RANBP2: variants seen among roughly 807,000 people sequenced by gnomAD.
RANBP2 encodes the protein RAN binding protein 2, also known as E3 SUMO-protein ligase RanBP2.
A neutral mutation model predicts 303.6 loss-of-function variants in RANBP2; 57 were observed. The observed-to-expected ratio is 0.19, with a 90% CI of 0.15 to 0.23. The LOEUF (loss-of-function observed/expected upper bound fraction) is 0.23, where lower values mean the gene tolerates loss of function less well. RANBP2 is among the 10% of genes least tolerant of loss of function. RANBP2 has a pLI of 1.00. For synonymous variants in RANBP2, 1,167 were observed against 1,301.5 expected, an observed-to-expected ratio of 0.90 and a Z score of 2.23; for missense variants, 3,138 against 3,780.8, an observed-to-expected ratio of 0.83 and a Z score of 4.46.
chr2:109,706,141 G>C, the RANBP2 span, among the ~76,000 whole-genome samples: 2 of 152,198 alleles, frequency 1.3e-5, no homozygotes, highest in Non-Finnish European at 2.9e-5. Flanking sequence ...CTAGGCTGGG[G>C]CTTCCTGTCT....
chr2:109,698,520 T>C, the RANBP2 span, among the ~76,000 whole-genome samples: 3 of 152,062 alleles, frequency 2.0e-5, no homozygotes, highest in East Asian at 5.8e-4. Context: ...ATTTTTCTAC[T>C]TATAATGTTT....
the RANBP2 span, among the ~76,000 whole-genome samples, chr2:108,999,655 G>A: frequency 0.067 from 10,264 of 152,248 alleles, 855 homozygotes; most frequent in African/African-American, 0.2. Flanking sequence ...GCTGTGTTAT[G>A]TACACTTTTC....
chr2:108,965,844 T>A, the RANBP2 span, among the ~76,000 whole-genome samples: 1 of 152,054 alleles, frequency 6.6e-6, no homozygotes, highest in Non-Finnish European at 1.5e-5. Flanking sequence ...TCCTGCATCA[T>A]GTACTCTCCC....
the RANBP2 span, among the ~76,000 whole-genome samples, chr2:109,645,493 C>T: frequency 6.6e-6 from 1 of 152,204 alleles, no homozygotes; most frequent in Non-Finnish European, 1.5e-5. Context: ...AATGCGGGTC[C>T]TCCTCAGTTT....
the RANBP2 span, among the ~76,000 whole-genome samples, chr2:109,132,255 A>G: frequency 6.6e-6 from 1 of 152,126 alleles, no homozygotes; most frequent in Non-Finnish European, 1.5e-5. Flanking sequence ...GGGTATGTAT[A>G]CTTTTTAGGT....
the RANBP2 span, among the ~76,000 whole-genome samples, chr2:109,419,246 C>T: frequency 6.6e-6 from 1 of 152,146 alleles, no homozygotes; most frequent in East Asian, 1.9e-4. Flanking sequence ...AAGAATAAAG[C>T]CAGGTCTGGA....
the RANBP2 span, among the ~76,000 whole-genome samples, chr2:109,067,824 C>T: frequency 6.6e-6 from 1 of 152,186 alleles, no homozygotes; most frequent in African/African-American, 2.4e-5. Context: ...TGGGCTCCAG[C>T]TTCAAAATGC....
intron 12 of RANBP2, among the ~76,000 whole-genome samples, chr2:108,752,397 G>A (rs918939713): frequency 6.6e-6 from 1 of 151,898 alleles, no homozygotes; most frequent in Non-Finnish European, 1.5e-5. Context: ...GAAGAGGCAG[G>A]TTTCAGCTAT....
At chr2:109,289,039 GT>G in the RANBP2 span, among the ~76,000 whole-genome samples, 3 of 152,170 alleles carry the variant, frequency 2.0e-5, no homozygotes, top group Non-Finnish European at 4.4e-5. Context: ...ACTAACATTC[GT>G]TTGTCAACTG....
the RANBP2 span, among the ~76,000 whole-genome samples, chr2:109,494,440 C>G: frequency 6.6e-6 from 1 of 152,188 alleles, no homozygotes; most frequent in Non-Finnish European, 1.5e-5. Context: ...TCCTGGGGAG[C>G]CCTAGCAGGT....
the RANBP2 span, among the ~76,000 whole-genome samples, chr2:108,912,044 G>A: frequency 6.6e-5 from 10 of 152,336 alleles, no homozygotes; most frequent in South Asian, 4.1e-4. Flanking sequence ...TTTGCTCTGC[G>A]TTAGCGCGTG....
the RANBP2 span, among the ~76,000 whole-genome samples, chr2:108,826,835 G>T: frequency 1.3e-5 from 2 of 152,202 alleles, no homozygotes; most frequent in African/African-American, 4.8e-5. Context: ...AATTTGAGAA[G>T]TCTTGGCATC....
At chr2:109,394,227 G>A in the RANBP2 span, among the ~76,000 whole-genome samples, 1 of 152,228 alleles carries the variant, frequency 6.6e-6, no homozygotes, top group East Asian at 1.9e-4. Context: ...ACCTAAGAAA[G>A]CTGGGGAGAC....
the RANBP2 span, among the ~76,000 whole-genome samples, chr2:108,977,299 C>T: frequency 1.6e-4 from 24 of 152,214 alleles, no homozygotes; most frequent in African/African-American, 5.3e-4. Context: ...GATGGAGTCT[C>T]GCTCTGTCGC....
the RANBP2 span, chr2:109,490,761 A>C: frequency 2.6e-6 from 4 of 1,536,486 alleles, no homozygotes; most frequent in East Asian, 4.9e-5. Flanking sequence ...CTCACTGTCC[A>C]TCCACGGCAG....
Position 108,736,299 on chromosome 2 carries a change from T to C in RANBP2, c.782+50T>C. 3.1e-6 allele frequency: 5 copies of C among 1,611,904 alleles called. No individual in the cohort carries two copies. In the South Asian group the frequency reaches 3.3e-5, roughly 11 times the overall value. On this transcript the variant is annotated intron_variant, in intron 6 of 28. Coordinates refer to ENST00000283195, the MANE Select transcript of RANBP2 (RefSeq NM_006267.5). Reference sequence around the variant, plus strand: ...TTTAGTATAAATTGCAGTTTTTCTTTTTGCAGTAAGTTCATTGCTCTAAAC... The same window carrying C: ...TTTAGTATAAATTGCAGTTTTTCTTCTTGCAGTAAGTTCATTGCTCTAAAC...
chr2:109,211,070 A>G, the RANBP2 span, among the ~76,000 whole-genome samples: 2 of 152,104 alleles, frequency 1.3e-5, no homozygotes, highest in African/African-American at 4.8e-5. Flanking sequence ...TCTGGTAGGG[A>G]GCACACCTTT....
chr2:109,596,941 T>C, the RANBP2 span, among the ~76,000 whole-genome samples: 2 of 152,206 alleles, frequency 1.3e-5, no homozygotes, highest in Non-Finnish European at 2.9e-5. Context: ...TTTTTTAAAA[T>C]TTATTAATTT....
the RANBP2 span, among the ~76,000 whole-genome samples, chr2:108,890,910 A>C: frequency 6.6e-6 from 1 of 152,034 alleles, no homozygotes; most frequent in African/African-American, 2.4e-5. Context: ...GCTATCTTCA[A>C]GTTCTGAGAT....
Sources: gnomAD v4.1 joint callset for allele counts (sites outside exome capture counted in the v4.1 genomes callset) on GRCh38, gnomAD v4.1.1 for gene constraint, MANE v1.5 for transcripts, NCBI Gene and HGNC (gene_info 2026-07-23, HGNC 2026-07-21) for gene names.